Variants in CUL1 observed in about 807,000 individuals in gnomAD.
The protein encoded by CUL1 is cullin-1.
Under a neutral mutation model 118.0 loss-of-function variants are expected in CUL1, and 24 were observed. The ratio of observed to expected loss-of-function variants is 0.20; its 90% CI spans 0.15 to 0.29. CUL1 has a LOEUF of 0.29. Among genes scored for constraint, CUL1 ranks in the 10% least tolerant of loss-of-function variants. CUL1 has a pLI of 1.00. For missense variants in CUL1, 361 were observed against 933.8 expected, an observed-to-expected ratio of 0.39 and a Z score of 7.99; for synonymous variants, 332 against 340.4, an observed-to-expected ratio of 0.98 and a Z score of 0.27.
intron 1 of CUL1, among the ~76,000 whole-genome samples, chr7:148,726,903 T>C (rs555912432): frequency 3.9e-5 from 6 of 151,900 alleles, no homozygotes; most frequent in Non-Finnish European, 7.4e-5. Flanking sequence ...TCCCAGTTAC[T>C]TGAGAGGCTG....
intron 4 of CUL1, among the ~76,000 whole-genome samples, chr7:148,757,824 T>C (rs1460187516): frequency 6.6e-6 from 1 of 152,016 alleles, no homozygotes; most frequent in South Asian, 2.1e-4. Flanking sequence ...CAAGACAGAA[T>C]GAGAGCCAAG....
chr7:148,800,662 C>A lies in CUL1; in HGVS notation c.*80C>A. On this transcript the variant is annotated 3_prime_UTR_variant, in exon 22 of 22. Coordinates refer to ENST00000325222, the MANE Select transcript of CUL1 (RefSeq NM_003592.3). The surrounding 1 kb of genome is among the most constrained non-coding windows in gnomAD (Gnocchi z 4.6). Reference sequence around the variant, plus strand: ...GAATGAAAACAACTCAAGTTCATAGCAGCCAGCCTGCCGCCATTGGACCTC... The same window carrying A: ...GAATGAAAACAACTCAAGTTCATAGAAGCCAGCCTGCCGCCATTGGACCTC... 2.6e-6 allele frequency: 3 copies of A among 1,168,908 alleles called. No homozygotes were observed. The highest frequency in any genetic ancestry group is 1.3e-5 in the South Asian group (1 of 75,528). 72.4% of individuals were successfully genotyped at this position (1,168,908 alleles called of 1,614,324 possible). A position where few individuals can be genotyped will look rare whatever the true frequency, so the allele number is the denominator to read the frequency against.
At position 148,790,409 on chromosome 7, in the gene CUL1, A is replaced by G; in HGVS notation, c.1774A>G (p.Thr592Ala). ...LYQLSKGELVTNCFKNRYTLQ... is the reference protein window; with the variant it reads ...LYQLSKGELVANCFKNRYTLQ... ...TCAGTTGTCTAAAGGAGAATTGGTA[A>G]CTAACTGCTTCAAAAACAGATATAC... is the stretch of plus-strand genomic sequence containing the variant. Residue 592 changes from threonine (T) to alanine (A), a missense_variant, in exon 16 of 22, where the codon ACT (threonine) becomes GCT (alanine). By Grantham distance (58) the Thr-to-Ala change is moderately conservative. Transcript: ENST00000325222. 1 of 1,614,052 alleles carries G rather than the reference A, an allele frequency of 6.2e-7. No individual in the cohort carries two copies. Among genetic ancestry groups the G allele is most frequent in the East Asian group, 2.2e-5 (1 of 44,886 alleles).
chr7:148,789,697 A>G, intron 14 of CUL1, 53 bp from the exon 15 acceptor site: 1 of 1,423,972 alleles, frequency 7.0e-7, no homozygotes, highest in East Asian at 2.3e-5. Context: ...TCAGTTTATA[A>G]ACTAATTAAT....
chr7:148,792,678 A>G (rs73745381), intron 16 of CUL1, 48 bp from the exon 17 acceptor site: 1 of 1,371,020 alleles, frequency 7.3e-7, no homozygotes, highest in East Asian at 2.4e-5. Flanking sequence ...AGGTGTTTCC[A>G]TGCATGTAAA....
At chr7:148,706,663 A>T (rs1044899231) in intron 1 of CUL1, among the ~76,000 whole-genome samples, 22 of 103,144 alleles carry the variant, frequency 2.1e-4, no homozygotes, top group African/African-American at 8.5e-4. Flanking sequence ...TATACAGGGT[A>T]TGTGTGTTGG....
intron 9 of CUL1, among the ~76,000 whole-genome samples, chr7:148,770,855 T>C (rs926216428): frequency 4.6e-5 from 7 of 152,214 alleles, no homozygotes; most frequent in South Asian, 2.1e-4. Context: ...AAAAGACACA[T>C]TGTAACCCAA....
intron 9 of CUL1, among the ~76,000 whole-genome samples, chr7:148,781,078 G>GTTTTTTTTTT (rs1800611287): frequency 2.4e-5 from 1 of 41,558 alleles, no homozygotes; most frequent in Non-Finnish European, 4.3e-5. Flanking sequence ...TTCAAGGCCA[G>GTTTTTTTTTT]ATTTTTTTTT....
chr7:148,759,771 A>C, intron 6 of CUL1, 133 bp downstream of exon 6: 1 of 493,712 alleles, frequency 2.0e-6, no homozygotes, highest in Non-Finnish European at 3.5e-6. Flanking sequence ...AGGTACTTAC[A>C]TTTCTTTTTA....
chr7:148,755,667 GGTTGATGA>G (rs1799631812), intron 3 of CUL1, among the ~76,000 whole-genome samples: 1 of 152,098 alleles, frequency 6.6e-6, no homozygotes, highest in South Asian at 2.1e-4. Flanking sequence ...TAAGTAAAAA[GGTTGATGA>G]CCATGCCATC....
chr7:148,742,983 A>T (rs939840903), intron 2 of CUL1, among the ~76,000 whole-genome samples: 1 of 152,120 alleles, frequency 6.6e-6, no homozygotes, highest in African/African-American at 2.4e-5. Context: ...GCAAATTTTG[A>T]TATGTTGTAT....
At position 148,786,403 on chromosome 7, in the gene CUL1, G is replaced by A. The variant is rs369686717; in HGVS notation, c.1299-148G>A. On this transcript the variant is annotated intron_variant, in intron 11 of 21. Coordinates refer to ENST00000325222, the MANE Select transcript of CUL1 (RefSeq NM_003592.3). ...TACAGTATGAGATTGCCAGTTTGCT[G>A]TAGGTAAGGAAAGTCAACCTTCCCT... 8 of 611,838 alleles carry A rather than the reference G, an allele frequency of 1.3e-5. No individual in the cohort carries two copies. In the East Asian group the frequency reaches 1.9e-4, roughly 15 times the overall value. 37.9% of individuals were successfully genotyped at this position (611,838 alleles called of 1,614,324 possible). A position where few individuals can be genotyped will look rare whatever the true frequency, so the allele number is the denominator to read the frequency against.
intron 9 of CUL1, among the ~76,000 whole-genome samples, chr7:148,782,556 T>G (rs3800949): frequency 0.028 from 4,336 of 152,168 alleles, 204 homozygotes; most frequent in African/African-American, 0.1. Flanking sequence ...TCTTATCAAA[T>G]GTTTATGTCA....
rs559081636 is a variant in CUL1, at chr7:148,787,321, G to T, written c.1479+201G>T. Among the ~76,000 whole-genome samples, 219 of 152,194 alleles carry T rather than the reference G, an allele frequency of 1.4e-3. 2 individuals are homozygous for T. The highest frequency in any genetic ancestry group is 5.1e-3 in the African/African-American group (213 of 41,526). On this transcript the variant is annotated intron_variant, in intron 13 of 21. Transcript: ENST00000325222. This position sits in a 1 kb window ranked among gnomAD's most constrained non-coding sequence, Gnocchi z 5.5. ...GCTAAAAATACAAAACATTAGCCGG[G>T]CATGGTGGTGGGCGCCTGTAGTCCC...
intron 7 of CUL1, among the ~76,000 whole-genome samples, chr7:148,761,042 A>G (rs1032546737): frequency 1.3e-5 from 2 of 152,134 alleles, no homozygotes; most frequent in East Asian, 3.9e-4. Context: ...TTGTAGAGAT[A>G]GGGTCTCGCT....
intron 2 of CUL1, among the ~76,000 whole-genome samples, chr7:148,740,612 G>A (rs1271835856): frequency 6.6e-6 from 1 of 152,152 alleles, no homozygotes; most frequent in Non-Finnish European, 1.5e-5. Context: ...GATATGTGGT[G>A]TTATGGACTT....
chr7:148,733,874 C>G (rs367829610), intron 2 of CUL1, among the ~76,000 whole-genome samples: 4 of 152,150 alleles, frequency 2.6e-5, no homozygotes, highest in African/African-American at 9.6e-5. Flanking sequence ...TTAGAAAAAG[C>G]AACTACTTCT....
At chr7:148,709,379 TTTTA>T (rs545060782) in intron 1 of CUL1, among the ~76,000 whole-genome samples, 26 of 152,372 alleles carry the variant, frequency 1.7e-4, no homozygotes, top group Non-Finnish European at 3.5e-4. Flanking sequence ...GATGTGTACA[TTTTA>T]TTTTAGAAAA....
Position 148,800,772 on chromosome 7 carries a change from G to A in CUL1, c.*190G>A, listed in dbSNP as rs1360962343. ...CTCAGGATTGATACATTTCAAGTCT[G>A]TAAATACGGACACCAACGCCATTTA... On this transcript the variant is annotated 3_prime_UTR_variant, in exon 22 of 22. Transcript: ENST00000325222. This position sits in a 1 kb window ranked among gnomAD's most constrained non-coding sequence, Gnocchi z 4.6. The A allele has an allele frequency of 3.7e-6, 2 of 539,890 alleles. No individual in the cohort carries two copies. Among genetic ancestry groups the A allele is most frequent in the Admixed American group, 3.4e-5 (1 of 29,602 alleles). The allele number at this position is 539,890 out of a possible 1,614,324, so 33.4% of individuals were successfully genotyped here.
Sources: allele counts gnomAD v4.1 joint callset (sites outside exome capture counted in the v4.1 genomes callset), GRCh38; gene constraint gnomAD v4.1.1; non-coding constraint Gnocchi (gnomAD v3.1); transcripts MANE v1.5; gene names NCBI Gene and HGNC (gene_info 2026-07-23, HGNC 2026-07-21).